The following DGKI variants were observed in gnomAD, a reference collection of about 807,000 sequenced individuals.
The protein encoded by DGKI is diacylglycerol kinase iota.
Under a neutral mutation model 147.5 loss-of-function variants are expected in DGKI, and 55 were observed. That is an observed-to-expected ratio of 0.37 (90% CI 0.30 to 0.47). The LOEUF (loss-of-function observed/expected upper bound fraction) is 0.47. DGKI is among the 20% of genes least tolerant of loss of function. The pLI is 1.00. For missense variants in DGKI, 1,007 were observed against 1,323.8 expected (o/e 0.76, Z 3.71); for synonymous variants, 469 against 477.1 (o/e 0.98, Z 0.22).
At chr7:137,760,696 T>G (rs143204698) in intron 1 of DGKI, among the ~76,000 whole-genome samples, 43 of 152,302 alleles carry the variant, frequency 2.8e-4, no homozygotes, top group African/African-American at 1.0e-3. Flanking sequence ...CCATTTCGGT[T>G]GGCAAAAAGA....
At chr7:137,555,506 T>C (rs977673788) in intron 19 of DGKI, among the ~76,000 whole-genome samples, 1 of 151,826 alleles carries the variant, frequency 6.6e-6, no homozygotes, top group African/African-American at 2.4e-5. Context: ...AGCCTGGCAA[T>C]AGAGCAAGAC....
chr7:137,787,506 G>A (rs1440428745), intron 1 of DGKI, among the ~76,000 whole-genome samples: 1 of 152,148 alleles, frequency 6.6e-6, no homozygotes, highest in Non-Finnish European at 1.5e-5. Context: ...TTTTTACACT[G>A]TTGGTGGAAT....
intron 9 of DGKI, 121 bp from the exon 10 acceptor site, chr7:137,609,185 C>T (rs569994386): frequency 3.1e-5 from 21 of 682,906 alleles, no homozygotes; most frequent in East Asian, 2.7e-4. Flanking sequence ...ACTCTTAACA[C>T]GACTTCCATG....
intron 21 of DGKI, among the ~76,000 whole-genome samples, chr7:137,514,370 C>T (rs1387482432): frequency 6.6e-6 from 1 of 152,208 alleles, no homozygotes; most frequent in Non-Finnish European, 1.5e-5. Flanking sequence ...CCTCTCTATG[C>T]ACTTTCACAT....
chr7:137,676,252 C>A (rs1227159387), intron 3 of DGKI, among the ~76,000 whole-genome samples: 2 of 152,168 alleles, frequency 1.3e-5, no homozygotes, highest in Non-Finnish European at 2.9e-5. Context: ...TTTTATAAAT[C>A]TTTGCTAATT....
At chr7:137,633,620 T>G (rs974015115) in intron 6 of DGKI, among the ~76,000 whole-genome samples, 2 of 152,116 alleles carry the variant, frequency 1.3e-5, no homozygotes, top group Non-Finnish European at 2.9e-5. Flanking sequence ...CCAGCTGAGA[T>G]CCCATAAAAC....
At position 137,686,489 on chromosome 7, in the gene DGKI, T is replaced by A. The variant is rs1178740544; in HGVS notation, c.510+3405A>T. Among the ~76,000 whole-genome samples the A allele has an allele frequency of 3.3e-5, 5 of 152,294 alleles. No individual in the cohort carries two copies. The East Asian group carries it at 7.7e-4, about 24-fold the overall frequency. On this transcript the variant is annotated intron_variant, in intron 2 of 32. Coordinates refer to ENST00000614521, the MANE Select transcript of DGKI (RefSeq NM_001321708.2). ...GAAAAATCTTCAAAGAATGAGCCCATGTGGGACAGAGAATCCTAAAAGTCA... is the reference window on the plus strand; with the variant it reads ...GAAAAATCTTCAAAGAATGAGCCCAAGTGGGACAGAGAATCCTAAAAGTCA...
chr7:137,577,375 A>C, intron 16 of DGKI, 91 bp from the exon 17 acceptor site: 1 of 893,174 alleles, frequency 1.1e-6, no homozygotes, highest in Non-Finnish European at 1.8e-6. Flanking sequence ...AAGGATTCCA[A>C]AGTATGCAAA....
chr7:137,740,240 A>T (rs867362641), intron 1 of DGKI, among the ~76,000 whole-genome samples: 5 of 152,222 alleles, frequency 3.3e-5, no homozygotes, highest in African/African-American at 1.2e-4. Flanking sequence ...TGGTTTATCA[A>T]TTCTGGAGGA....
intron 1 of DGKI, among the ~76,000 whole-genome samples, chr7:137,788,490 T>G (rs1000846551): frequency 1.3e-5 from 2 of 152,120 alleles, no homozygotes. Flanking sequence ...CTTCTCTTGA[T>G]GGCTACGTCT....
chr7:137,419,876 G>A (rs948826437), intron 28 of DGKI, among the ~76,000 whole-genome samples: 5 of 152,164 alleles, frequency 3.3e-5, no homozygotes, highest in African/African-American at 1.2e-4. Flanking sequence ...ACAGATTTAA[G>A]ATTATTCTTC....
chr7:137,398,882 T>C (rs1014712718), intron 30 of DGKI, among the ~76,000 whole-genome samples: 1 of 152,026 alleles, frequency 6.6e-6, no homozygotes, highest in South Asian at 2.1e-4. Context: ...AGGTCTTATA[T>C]CATCTAGATT....
intron 1 of DGKI, among the ~76,000 whole-genome samples, chr7:137,740,308 A>C (rs2116703658): frequency 6.6e-6 from 1 of 152,320 alleles, no homozygotes; most frequent in African/African-American, 2.4e-5. Flanking sequence ...CTGGGCAAAA[A>C]GTGAGGTTAA....
chr7:137,446,915 C>T (rs1813739691), intron 27 of DGKI, among the ~76,000 whole-genome samples: 1 of 152,144 alleles, frequency 6.6e-6, no homozygotes, highest in African/African-American at 2.4e-5. Flanking sequence ...TTCACCACAC[C>T]TGAAAGACAT....
chr7:137,713,631 C>G (rs1434868922), intron 1 of DGKI, among the ~76,000 whole-genome samples: 1 of 151,886 alleles, frequency 6.6e-6, no homozygotes, highest in African/African-American at 2.4e-5. Context: ...GTAAGTTAAC[C>G]TACCCAATTT....
chr7:137,552,434 G>A lies in DGKI; in HGVS notation c.2082C>T (p.Ser694=), dbSNP rs61757213. 2.0e-3 allele frequency: 3,254 copies of A among 1,614,018 alleles called. 67 individuals are homozygous for A. In the East Asian group the frequency reaches 0.052, roughly 26 times the overall value. ...GTACCATGTTGGCCTGATTCCTCAG[G>A]GAGATCCGAATCATAGCTGGGGCCA... The part of the protein sequence containing the change: ...CRLAPAMIRI[S]LRNQANMVQK... The change falls in exon 20 of 33, where the codon TCC becomes TCT. Residue 694 remains serine, a synonymous_variant. Coordinates refer to ENST00000614521, the MANE Select transcript of DGKI (RefSeq NM_001321708.2).
rs181293454 is a variant in DGKI, at chr7:137,445,560, C to T, written c.2736-1458G>A. 6.2e-4 allele frequency among the ~76,000 whole-genome samples: 95 copies of T among 152,206 alleles called. 1 individual carries two copies. The highest frequency in any genetic ancestry group is 2.0e-3 in the African/African-American group (83 of 41,526). On this transcript the variant is annotated intron_variant, in intron 27 of 32. Transcript: ENST00000614521. Reference sequence around the variant, plus strand: ...CCAGCCTTTCTCACTGGGTTGTAACCCCCTTGAAAACTAAGGCTGTATCTT... The same window carrying T: ...CCAGCCTTTCTCACTGGGTTGTAACTCCCTTGAAAACTAAGGCTGTATCTT...
chr7:137,539,242 G>A (rs1817612247), intron 20 of DGKI, among the ~76,000 whole-genome samples: 1 of 152,108 alleles, frequency 6.6e-6, no homozygotes, highest in South Asian at 2.1e-4. Flanking sequence ...ATCATTGGTT[G>A]GCCCTGGACA....
chr7:137,722,868 T>G, intron 1 of DGKI: 1 of 918,132 alleles, frequency 1.1e-6, no homozygotes, highest in Non-Finnish European at 1.7e-6. Flanking sequence ...CTTAAGAACT[T>G]AATTAAATAG....
Sources: allele counts gnomAD v4.1 joint callset (sites outside exome capture counted in the v4.1 genomes callset), GRCh38; gene constraint gnomAD v4.1.1; transcripts MANE v1.5; gene names NCBI Gene and HGNC (gene_info 2026-07-23, HGNC 2026-07-21).